Variants in EYA1 observed in about 807,000 individuals in gnomAD.
EYA1 encodes the protein protein phosphatase EYA1.
EYA1 carries 16 observed loss-of-function variants against 82.0 expected under a neutral mutation model. That is an observed-to-expected ratio of 0.20 (90% CI 0.13 to 0.30). The LOEUF (loss-of-function observed/expected upper bound fraction) is 0.30. Among genes scored for constraint, EYA1 ranks in the 10% least tolerant of loss-of-function variants. EYA1 has a pLI of 1.00. For missense variants in EYA1, 633 were observed against 730.7 expected (o/e 0.87, Z 1.54); for synonymous variants, 261 against 264.4 (o/e 0.99, Z 0.12).
At chr8:71,416,381 C>A (rs73687706) in intron 2 of EYA1, among the ~76,000 whole-genome samples, 197 of 152,306 alleles carry the variant, frequency 1.3e-3, no homozygotes, top group African/African-American at 4.5e-3. Context: ...CAATGCGTTG[C>A]AGTTGTGCCA....
At chr8:71,406,948 T>G (rs1210666613) in intron 2 of EYA1, among the ~76,000 whole-genome samples, 1 of 141,614 alleles carries the variant, frequency 7.1e-6, no homozygotes, top group Admixed American at 7.2e-5. Context: ...AAGACAGCAG[T>G]AACCTCTGCA....
chr8:71,525,870 C>T (rs1452974960), intron 2 of EYA1, among the ~76,000 whole-genome samples: 3 of 152,126 alleles, frequency 2.0e-5, no homozygotes, highest in Non-Finnish European at 4.4e-5. Flanking sequence ...TGGCTCCAGG[C>T]AATTGTACTT....
chr8:71,323,795 G>T (rs1042502945), intron 4 of EYA1, among the ~76,000 whole-genome samples: 1 of 152,224 alleles, frequency 6.6e-6, no homozygotes, highest in Non-Finnish European at 1.5e-5. Flanking sequence ...GACACATAAA[G>T]AACTGTGGGA....
intron 2 of EYA1, among the ~76,000 whole-genome samples, chr8:71,461,176 T>G (rs1219505287): frequency 6.6e-6 from 1 of 152,146 alleles, no homozygotes; most frequent in Non-Finnish European, 1.5e-5. Context: ...GGCCAGTGAT[T>G]CCTTTGCCCA....
intron 11 of EYA1, among the ~76,000 whole-genome samples, chr8:71,267,649 C>T (rs1358921874): frequency 1.3e-4 from 20 of 152,126 alleles, no homozygotes; most frequent in Admixed American, 7.9e-4. Flanking sequence ...CCCAGGTTCA[C>T]GCCGTTCTCC....
At chr8:71,468,470 T>C (rs1287849749) in intron 2 of EYA1, among the ~76,000 whole-genome samples, 3 of 152,154 alleles carry the variant, frequency 2.0e-5, no homozygotes, top group Non-Finnish European at 4.4e-5. Flanking sequence ...CTAAATAGAA[T>C]TTCCAGCAGG....
At chr8:71,282,572 C>T (rs1014663010) in intron 9 of EYA1, among the ~76,000 whole-genome samples, 40 of 152,224 alleles carry the variant, frequency 2.6e-4, no homozygotes, top group African/African-American at 9.6e-4. Context: ...CCTTCTGCAA[C>T]ACTTGTGTTC....
chr8:71,462,254 C>T (rs868465680), intron 2 of EYA1, among the ~76,000 whole-genome samples: 1 of 152,306 alleles, frequency 6.6e-6, no homozygotes, highest in African/African-American at 2.4e-5. Flanking sequence ...AGTTGGTTTT[C>T]CCCACCAGGC....
intron 4 of EYA1, among the ~76,000 whole-genome samples, chr8:71,329,784 C>T (rs1033372595): frequency 6.6e-6 from 1 of 152,146 alleles, no homozygotes; most frequent in Admixed American, 6.6e-5. Flanking sequence ...CCAACACAAG[C>T]TTATGTTTTG....
chr8:71,245,039 T>A (rs1346297039), intron 11 of EYA1, among the ~76,000 whole-genome samples: 1 of 152,158 alleles, frequency 6.6e-6, no homozygotes, highest in Non-Finnish European at 1.5e-5. Flanking sequence ...GTGAATCAAG[T>A]AGCCACTGGT....
At chr8:71,322,469 G>A in intron 4 of EYA1, 1 of 584,020 alleles carries the variant, frequency 1.7e-6, no homozygotes, top group Non-Finnish European at 3.0e-6. Context: ...AATAGAAACT[G>A]ATTAAGGGCT....
intron 2 of EYA1, among the ~76,000 whole-genome samples, chr8:71,368,470 G>A (rs1016365): frequency 0.28 from 42,614 of 151,690 alleles, 6,543 homozygotes; most frequent in Non-Finnish European, 0.35. Flanking sequence ...AGCAGAAGGT[G>A]AAGGAGGGAC....
At chr8:71,340,117 T>G (rs1192229492) in intron 3 of EYA1, among the ~76,000 whole-genome samples, 1 of 152,208 alleles carries the variant, frequency 6.6e-6, no homozygotes, top group Non-Finnish European at 1.5e-5. Context: ...ATTTATATTT[T>G]CATAATTTAG....
intron 2 of EYA1, among the ~76,000 whole-genome samples, chr8:71,488,897 C>T (rs2129222187): frequency 6.6e-6 from 1 of 152,340 alleles, no homozygotes; most frequent in Non-Finnish European, 1.5e-5. Flanking sequence ...TGCATCCCTT[C>T]AGCCTCTCAT....
intron 3 of EYA1, among the ~76,000 whole-genome samples, chr8:71,348,580 G>A (rs1471072957): frequency 6.6e-6 from 1 of 152,206 alleles, no homozygotes; most frequent in African/African-American, 2.4e-5. Flanking sequence ...CTAGTTGCAG[G>A]CAATCAGCAC....
At chr8:71,202,386 CAT>C (rs762441181) in intron 17 of EYA1, among the ~76,000 whole-genome samples, 53 of 152,222 alleles carry the variant, frequency 3.5e-4, no homozygotes, top group African/African-American at 9.9e-4. Context: ...CTACAGAACA[CAT>C]GTTTTTCTTT....
At chr8:71,364,985 T>TACAC (rs1203660091), upstream of EYA1, among the ~76,000 whole-genome samples, 1 of 117,300 alleles carries the variant, frequency 8.5e-6, no homozygotes, top group African/African-American at 3.5e-5. Flanking sequence ...TATATATATA[T>TACAC]ACATATACAC....
intron 2 of EYA1, among the ~76,000 whole-genome samples, chr8:71,510,535 C>T (rs1393323655): frequency 1.3e-5 from 2 of 152,114 alleles, no homozygotes. Context: ...CTCCACAGGG[C>T]GGGAGGAGAG....
chr8:71,449,015 A>T (rs1807134103), intron 2 of EYA1: 1 of 167,336 alleles, frequency 6.0e-6, no homozygotes, highest in Non-Finnish European at 1.4e-5. Flanking sequence ...ACGAATGCCG[A>T]CAGAAAACAC....
Sources: gnomAD v4.1 joint callset for allele counts (sites outside exome capture counted in the v4.1 genomes callset) on GRCh38, gnomAD v4.1.1 for gene constraint, MANE v1.5 for transcripts, NCBI Gene and HGNC (gene_info 2026-07-23, HGNC 2026-07-21) for gene names.